Variants in TMEM35B observed in about 807,000 individuals in gnomAD.
TMEM35B encodes ZMYM6 neighbor protein.
TMEM35B carries 6 observed loss-of-function variants against 8.7 expected under a neutral mutation model. That is an observed-to-expected ratio of 0.69 (90% CI 0.38 to 1.36). TMEM35B has a LOEUF of 1.36. TMEM35B is among the 40% of genes most tolerant of loss of function. The pLI, the probability that TMEM35B is intolerant of heterozygous loss-of-function variation, is 0.02. For missense variants in TMEM35B, 176 were observed against 181.6 expected, an observed-to-expected ratio of 0.97 and a Z score of 0.18; for synonymous variants, 89 against 87.0, an observed-to-expected ratio of 1.02 and a Z score of -0.13.
chr1:34,984,611 C>A (rs1002134267), intron 1 of TMEM35B, among the ~76,000 whole-genome samples: 4 of 152,086 alleles, frequency 2.6e-5, no homozygotes, highest in Admixed American at 1.3e-4. Flanking sequence ...GAAAGCTTTC[C>A]CATGAGTCTG....
intron 2 of TMEM35B, among the ~76,000 whole-genome samples, chr1:34,982,377 G>A (rs574216973): frequency 6.6e-6 from 1 of 151,896 alleles, no homozygotes; most frequent in African/African-American, 2.4e-5. Context: ...AGAAAGAAAC[G>A]GGAATGACCC....
rs1049726208 is a variant in TMEM35B at position 34,984,051 on chromosome 1, A to G, written c.109-104T>C. On this transcript the variant is annotated intron_variant, in intron 1 of 2. Coordinates refer to ENST00000373337, the Ensembl canonical transcript of TMEM35B. ...GCCTGTGCCCTCAACTTCCCAGAGA[A>G]AAGAACTACTACTCTAGGTCAGGTC... 4.3e-6 allele frequency: 5 copies of G among 1,154,182 alleles called. No individual in the cohort carries two copies. In the African/African-American group the frequency reaches 6.4e-5, roughly 15 times the overall value. 71.5% of individuals were successfully genotyped at this position (1,154,182 alleles called of 1,614,324 possible).
chr1:34,982,726 C>G (rs868635760), intron 2 of TMEM35B, among the ~76,000 whole-genome samples: 1 of 152,150 alleles, frequency 6.6e-6, no homozygotes, highest in Admixed American at 6.5e-5. Context: ...CCGCCCGCCT[C>G]GGCCTCCCAA....
intron 1 of TMEM35B, 117 bp downstream of exon 1, chr1:34,985,081 G>A: frequency 1.3e-6 from 1 of 748,680 alleles, no homozygotes; most frequent in Non-Finnish European, 2.0e-6. Context: ...CTTTCCCCCA[G>A]CTCCAGCTGA....
chr1:34,982,617 C>T (rs982610498), intron 2 of TMEM35B, among the ~76,000 whole-genome samples: 7 of 152,036 alleles, frequency 4.6e-5, no homozygotes, highest in African/African-American at 1.7e-4. Flanking sequence ...GCTGGGATTA[C>T]AGGCGCGCAC....
In TMEM35B at chr1:34,982,004, C is replaced by CTTAG; in HGVS notation, c.401_404dup (p.Lys135AsnfsTer2). 6.4e-7 allele frequency: 1 copy of CTTAG among 1,550,702 alleles called. No homozygotes were observed. Among genetic ancestry groups the CTTAG allele is most frequent in the Non-Finnish European group, 8.7e-7 (1 of 1,146,996 alleles). On this transcript the variant is annotated stop_gained and frameshift_variant, in exon 3 of 3. Transcript: ENST00000373337. LOFTEE classifies it low-confidence loss of function (END_TRUNC). ...TCTTCCTAGTGGGTCTGACCACCTT[C>CTTAG]TTAGTCTGGGCTAAGAGCTGGCCGA...
chr1:34,985,112 G>T, intron 1 of TMEM35B, 86 bp downstream of exon 1: 1 of 1,086,878 alleles, frequency 9.2e-7, no homozygotes, highest in Non-Finnish European at 1.2e-6. Context: ...CCCGAAGGCG[G>T]CCTGCCGGGC....
Position 34,985,239 on chromosome 1 carries a change from T to A in TMEM35B, c.67A>T (p.Lys23Ter). The A allele has an allele frequency of 6.5e-7, 1 of 1,543,226 alleles. No individual in the cohort carries two copies. The highest frequency in any genetic ancestry group is 1.2e-5 in the South Asian group (1 of 83,442). ...GGAGCCGAGATCTCCTCCGAGAGCT[T>A]GGCCAACCCCACGAGCGCGAAGAAG... is the stretch of plus-strand genomic sequence containing the variant. The change falls in exon 1 of 3, where the codon AAG becomes TAG. Residue 23 changes from lysine (K) to a stop codon, truncating the protein, a stop_gained. Transcript: ENST00000373337. LOFTEE classifies it high-confidence loss of function.
intron 1 of TMEM35B, 74 bp from the exon 2 acceptor site, chr1:34,984,021 T>G: frequency 7.7e-7 from 1 of 1,306,468 alleles, no homozygotes; most frequent in Non-Finnish European, 1.0e-6. Flanking sequence ...CCATGGCATA[T>G]CTATGCCTGT....
chr1:34,985,281 G>A, exon 1 of TMEM35B: 4 of 1,541,130 alleles, frequency 2.6e-6, no homozygotes, highest in Non-Finnish European at 3.5e-6. Context: ...AGCAGTACAC[G>A]CAGCACCGAA....
At chr1:34,981,973 G>A in exon 3 of TMEM35B, 1 of 1,547,554 alleles carries the variant, frequency 6.5e-7, no homozygotes, top group Non-Finnish European at 8.7e-7. Context: ...AATGTACTTA[G>A]AGTCTTCTTC....
chr1:34,984,075 TC>T, intron 1 of TMEM35B, 128 bp from the exon 2 acceptor site: 1 of 945,746 alleles, frequency 1.1e-6, no homozygotes, highest in Non-Finnish European at 1.4e-6. Flanking sequence ...CTAGGTCAGG[TC>T]CAGGGCTGAG....
chr1:34,983,893 G>C, exon 2 of TMEM35B: 1 of 1,542,630 alleles, frequency 6.5e-7, no homozygotes, highest in Non-Finnish European at 8.8e-7. Context: ...GGATCTGGCT[G>C]GTAGCCAAAT....
Position 34,981,951 on chromosome 1 carries a change from C to T in TMEM35B, c.458G>A (p.Trp153Ter). The change falls in exon 3 of 3, where the codon TGG (tryptophan) becomes TAG (stop). Residue 153 changes from tryptophan (W) to a stop codon, truncating the protein, a stop_gained. Coordinates refer to ENST00000373337, the Ensembl canonical transcript of TMEM35B. LOFTEE classifies it high-confidence loss of function. The stretch of plus-strand genomic sequence containing the variant: ...TAAAGAGACAGAGATGCTCTACTTC[C>T]AGGATTCCTTGAATGTACTTAGAGT... 1 of 1,537,770 alleles carries T rather than the reference C, an allele frequency of 6.5e-7. No individual in the cohort carries two copies. The highest frequency in any genetic ancestry group is 8.8e-7 in the Non-Finnish European group (1 of 1,140,400).
At chr1:34,981,414 G>A (rs758279748), downstream of TMEM35B, 3 of 152,116 alleles carry the variant, frequency 2.0e-5, no homozygotes, top group Non-Finnish European at 2.9e-5. Context: ...TGAGGCTTAC[G>A]AGAGCAAAAA....
chr1:34,985,252 G>T, exon 1 of TMEM35B: 1 of 1,545,270 alleles, frequency 6.5e-7, no homozygotes, highest in Non-Finnish European at 8.7e-7. Context: ...CCAACCCCAC[G>T]AGCGCGAAGA....
chr1:34,983,536 GC>G (rs1286368310), intron 2 of TMEM35B, among the ~76,000 whole-genome samples: 1 of 131,446 alleles, frequency 7.6e-6, no homozygotes, highest in Non-Finnish European at 1.5e-5. Context: ...CAGAGATAGT[GC>G]CACTGCAGTC....
chr1:34,981,495 A>G (rs1424913342), downstream of TMEM35B: 1 of 152,442 alleles, frequency 6.6e-6, no homozygotes, highest in Admixed American at 6.5e-5. Flanking sequence ...ATGGAATACT[A>G]TGCAGCCATT....
intron 2 of TMEM35B, 72 bp from the exon 3 acceptor site, chr1:34,982,191 GT>G: frequency 7.1e-7 from 1 of 1,407,240 alleles, no homozygotes; most frequent in Non-Finnish European, 9.4e-7. Context: ...GGGCTCTCTA[GT>G]TTAGGCTGAC....
Sources: gnomAD v4.1 joint callset for allele counts (sites outside exome capture counted in the v4.1 genomes callset) on GRCh38, gnomAD v4.1.1 for gene constraint, MANE v1.5 for transcripts, NCBI Gene and HGNC (gene_info 2026-07-23, HGNC 2026-07-21) for gene names.